PCNX1: variants seen among roughly 807,000 people sequenced by gnomAD.
PCNX1 encodes pecanex 1.
Under a neutral mutation model 242.2 loss-of-function variants are expected in PCNX1, and 78 were observed. That is an observed-to-expected ratio of 0.32 (90% confidence interval 0.27 to 0.39). The LOEUF (loss-of-function observed/expected upper bound fraction) is 0.39, where lower values mean the gene tolerates loss of function less well. PCNX1 is among the 10% of genes least tolerant of loss of function. The probability of loss-of-function intolerance (pLI) is 1.00; values close to 1 mark genes in which losing one functional copy is unlikely to be tolerated. For synonymous variants in PCNX1, 1,024 were observed against 1,032.9 expected, an observed-to-expected ratio of 0.99 and a Z score of 0.17; for missense variants, 2,581 against 2,856.5, an observed-to-expected ratio of 0.90 and a Z score of 2.20.
At chr14:71,093,783 G>C (rs760318436) in intron 30 of PCNX1, 2 of 152,148 alleles carry the variant, frequency 1.3e-5, no homozygotes, top group African/African-American at 2.4e-5. Flanking sequence ...TTCTCAGCCT[G>C]TTCCAAATGT....
chr14:70,932,052 G>T (rs2056820283), intron 1 of PCNX1, among the ~76,000 whole-genome samples: 1 of 152,200 alleles, frequency 6.6e-6, no homozygotes, highest in Admixed American at 6.5e-5. Flanking sequence ...GCTTGAACCT[G>T]GGAGGCAGAG....
intron 16 of PCNX1, among the ~76,000 whole-genome samples, chr14:71,030,407 G>C (rs755513319): frequency 6.6e-6 from 1 of 151,814 alleles, no homozygotes; most frequent in Admixed American, 6.6e-5. Context: ...TCTAGTTTAC[G>C]TGCCTAGATT....
At chr14:70,959,092 A>C (rs1006277052) in intron 2 of PCNX1, among the ~76,000 whole-genome samples, 5 of 150,572 alleles carry the variant, frequency 3.3e-5, no homozygotes, top group African/African-American at 1.2e-4. Context: ...TTAGTAAAAA[A>C]CTCTGGGCAA....
At chr14:71,057,772 C>T (rs1329424467) in intron 26 of PCNX1, 48 bp downstream of exon 26, 2 of 1,258,022 alleles carry the variant, frequency 1.6e-6, no homozygotes, top group Admixed American at 3.7e-5. Context: ...TCCTGTGGCA[C>T]CTTAGTTTTA....
chr14:71,033,870 G>A (rs939261157), intron 17 of PCNX1, 61 bp from the exon 18 acceptor site: 36 of 873,616 alleles, frequency 4.1e-5, no homozygotes, highest in Non-Finnish European at 5.8e-5. Flanking sequence ...TTCATTGCCC[G>A]TTTGAATTAC....
Position 70,994,911 on chromosome 14 carries a change from T to C in PCNX1, c.2445-830T>C, listed in dbSNP as rs1012965051. On this transcript the variant is annotated intron_variant, in intron 7 of 35. Coordinates refer to ENST00000304743, the MANE Select transcript of PCNX1 (RefSeq NM_014982.3). Reference sequence around the variant, plus strand: ...CAAAATACCAAGTATTTAAAAATTGTATCAAACTTAGGCCTAATATCCTTT... The same window carrying C: ...CAAAATACCAAGTATTTAAAAATTGCATCAAACTTAGGCCTAATATCCTTT... 2.6e-5 allele frequency among the ~76,000 whole-genome samples: 4 copies of C among 152,118 alleles called. No individual in the cohort carries two copies. The East Asian group carries it at 7.7e-4, about 29-fold the overall frequency.
chr14:71,018,395 TAATA>T (rs936626132), intron 11 of PCNX1, among the ~76,000 whole-genome samples: 3 of 152,130 alleles, frequency 2.0e-5, no homozygotes, highest in Admixed American at 1.3e-4. Flanking sequence ...AATGTCAATT[TAATA>T]AATATAGAAT....
In PCNX1 at chr14:71,112,118, A is replaced by G. The variant is rs2062764146; in HGVS notation, c.*2183A>G. The G allele has an allele frequency of 6.6e-6, 1 of 152,494 alleles. No individual in the cohort carries two copies. Among genetic ancestry groups the G allele is most frequent in the South Asian group, 2.1e-4 (1 of 4,834 alleles). 9.4% of individuals were successfully genotyped at this position (152,494 alleles called of 1,614,324 possible). On this transcript the variant is annotated 3_prime_UTR_variant, in exon 36 of 36. Transcript: ENST00000304743. ...ATCTTTTCATGGTCATTGCCTAGAT[A>G]AAAGTAGAGCCTTTTCAATCTTAGA...
chr14:71,049,045 A>G, intron 22 of PCNX1: 1 of 953,060 alleles, frequency 1.0e-6, no homozygotes, highest in Non-Finnish European at 1.2e-6. Flanking sequence ...AGAATTGTAT[A>G]AAGAAGCATG....
At chr14:70,974,278 C>G (rs908964372) in intron 5 of PCNX1, among the ~76,000 whole-genome samples, 2 of 138,876 alleles carry the variant, frequency 1.4e-5, no homozygotes, top group Non-Finnish European at 3.0e-5. Context: ...GAGTCTCGCT[C>G]TGTTGCCCAG....
At chr14:71,052,727 A>G (rs1046831626) in intron 24 of PCNX1, among the ~76,000 whole-genome samples, 1 of 152,168 alleles carries the variant, frequency 6.6e-6, no homozygotes, top group Non-Finnish European at 1.5e-5. Context: ...TATTTCTGCT[A>G]TTTTGAGAAG....
At chr14:71,046,819 G>A in intron 20 of PCNX1, 145 bp from the exon 21 acceptor site, 1 of 542,284 alleles carries the variant, frequency 1.8e-6, no homozygotes, top group Non-Finnish European at 3.2e-6. Context: ...GCTCATAGAA[G>A]TTGACAGTTG....
chr14:71,108,058 T>C (rs1418739246), intron 33 of PCNX1, among the ~76,000 whole-genome samples: 2 of 152,184 alleles, frequency 1.3e-5, no homozygotes, highest in Non-Finnish European at 2.9e-5. Flanking sequence ...AGCTTGTTCC[T>C]CTTGACTCAG....
At chr14:71,052,550 C>T (rs1870092071) in intron 24 of PCNX1, among the ~76,000 whole-genome samples, 1 of 151,436 alleles carries the variant, frequency 6.6e-6, no homozygotes, top group African/African-American at 2.4e-5. Flanking sequence ...AAACATTGTT[C>T]TGATTGAATA....
intron 26 of PCNX1, among the ~76,000 whole-genome samples, chr14:71,062,058 T>G (rs2061338165): frequency 6.6e-6 from 1 of 152,166 alleles, no homozygotes; most frequent in Admixed American, 6.5e-5. Context: ...TTTTCATTAA[T>G]AGAGAGGAAT....
intron 1 of PCNX1, among the ~76,000 whole-genome samples, chr14:70,918,665 A>G (rs1051792707): frequency 6.6e-6 from 1 of 152,242 alleles, no homozygotes; most frequent in Non-Finnish European, 1.5e-5. Context: ...GTGAAGCACC[A>G]TAAAGCTAAG....
At chr14:71,079,502 A>G (rs575632542) in intron 28 of PCNX1, among the ~76,000 whole-genome samples, 1 of 152,202 alleles carries the variant, frequency 6.6e-6, no homozygotes, top group Admixed American at 6.5e-5. Context: ...CCTCTCCAGC[A>G]CCTGACTTTT....
intron 2 of PCNX1, among the ~76,000 whole-genome samples, chr14:70,951,518 G>A (rs966960236): frequency 7.2e-5 from 11 of 151,898 alleles, no homozygotes; most frequent in African/African-American, 2.7e-4. Flanking sequence ...GGGATTACAG[G>A]CATGCACCAC....
chr14:70,910,567 T>G (rs1386003529), intron 1 of PCNX1, among the ~76,000 whole-genome samples: 1 of 152,174 alleles, frequency 6.6e-6, no homozygotes, highest in Admixed American at 6.5e-5. Flanking sequence ...CTCCACTTTT[T>G]GCAGGTTCTC....
Sources: gnomAD v4.1 joint callset for allele counts (sites outside exome capture counted in the v4.1 genomes callset) on GRCh38, gnomAD v4.1.1 for gene constraint, MANE v1.5 for transcripts, NCBI Gene and HGNC (gene_info 2026-07-23, HGNC 2026-07-21) for gene names.